The following FLT1 variants were observed in gnomAD, a reference collection of about 807,000 sequenced individuals.
FLT1 encodes fms related receptor tyrosine kinase 1, also known as vascular endothelial growth factor receptor 1.
FLT1 carries 49 observed loss-of-function variants against 156.3 expected under a neutral mutation model. The observed-to-expected ratio is 0.31, with a 90% CI of 0.25 to 0.40. The LOEUF (loss-of-function observed/expected upper bound fraction) is 0.40. FLT1 is among the 10% of genes least tolerant of loss of function. The pLI is 1.00. For synonymous variants in FLT1, 594 were observed against 583.8 expected (o/e 1.02, Z -0.25); for missense variants, 1,322 against 1,637.2 (o/e 0.81, Z 3.32).
At chr13:28,437,798 T>G (rs1254443399) in intron 4 of FLT1, among the ~76,000 whole-genome samples, 1 of 152,228 alleles carries the variant, frequency 6.6e-6, no homozygotes, top group Non-Finnish European at 1.5e-5. Context: ...TGGCTCCTTA[T>G]GCATGAAGCC....
At position 28,449,221 on chromosome 13, in the gene FLT1, C is replaced by T. The variant is rs1177052947; in HGVS notation, c.389-10876G>A. ...TCAATCGAAGCCCAGGAATTCAAGG[C>T]TGCAGTGTCACTGCACTCTGGCCTG... On this transcript the variant is annotated intron_variant, in intron 3 of 29. Transcript: ENST00000282397. Among the ~76,000 whole-genome samples, 6 of 152,144 alleles carry T rather than the reference C, an allele frequency of 3.9e-5. No individual in the cohort carries two copies. The East Asian group carries it at 1.2e-3, about 29-fold the overall frequency.
chr13:28,327,022 T>C (rs1871712684), intron 20 of FLT1, among the ~76,000 whole-genome samples: 1 of 152,242 alleles, frequency 6.6e-6, no homozygotes, highest in African/African-American at 2.4e-5. Flanking sequence ...ATTGGTCTAC[T>C]GCTGATTGTC....
chr13:28,388,381 T>C (rs1209877754), intron 13 of FLT1: 8 of 1,057,194 alleles, frequency 7.6e-6, no homozygotes, highest in Non-Finnish European at 8.0e-6. Context: ...GCTTGAGAAG[T>C]TGTCATATTG....
At chr13:28,383,579 C>T (rs761434651) in intron 14 of FLT1, among the ~76,000 whole-genome samples, 2 of 152,066 alleles carry the variant, frequency 1.3e-5, no homozygotes, top group Non-Finnish European at 2.9e-5. Flanking sequence ...AGGAGAATGG[C>T]GTGACCTGGG....
At chr13:28,460,865 G>A (rs1879537952) in intron 3 of FLT1, among the ~76,000 whole-genome samples, 1 of 151,512 alleles carries the variant, frequency 6.6e-6, no homozygotes, top group Non-Finnish European at 1.5e-5. Flanking sequence ...GGGTAAAATG[G>A]ATATATGAAT....
chr13:28,385,044 GA>G lies in FLT1; in HGVS notation c.1970-14del. 6.2e-7 allele frequency: 1 copy of G among 1,613,882 alleles called. No individual in the cohort carries two copies. The highest frequency in any genetic ancestry group is 8.5e-7 in the Non-Finnish European group (1 of 1,179,808). On this transcript the variant is annotated splice_polypyrimidine_tract_variant and intron_variant, in intron 13 of 29. Coordinates refer to ENST00000282397, the MANE Select transcript of FLT1 (RefSeq NM_002019.4). ...GGTGCTTCCTGATCTAGTGAAGAAAGAAAGGGAGCTGTGATTACTCGTCAAC... is the reference window on the plus strand; with the variant it reads ...GGTGCTTCCTGATCTAGTGAAGAAAGAAGGGAGCTGTGATTACTCGTCAAC...
chr13:28,418,519 T>C (rs547829197), intron 10 of FLT1, among the ~76,000 whole-genome samples: 2 of 152,320 alleles, frequency 1.3e-5, no homozygotes, highest in Non-Finnish European at 2.9e-5. Flanking sequence ...AGGAGTCCTA[T>C]GGGACACCAG....
intron 15 of FLT1, among the ~76,000 whole-genome samples, chr13:28,348,395 C>G (rs571661310): frequency 1.8e-4 from 28 of 152,200 alleles, no homozygotes; most frequent in Non-Finnish European, 3.7e-4. Context: ...TCATCTCCTG[C>G]TGTCCTCCCA....
intron 15 of FLT1, among the ~76,000 whole-genome samples, chr13:28,353,397 A>AC (rs1231159607): frequency 6.6e-5 from 10 of 151,654 alleles, no homozygotes; most frequent in African/African-American, 1.9e-4. Flanking sequence ...ACGTGGTGAG[A>AC]CCCCGTCTCT....
chr13:28,382,758 C>G (rs1047513122), intron 14 of FLT1, among the ~76,000 whole-genome samples: 3 of 152,120 alleles, frequency 2.0e-5, no homozygotes, highest in African/African-American at 7.2e-5. Context: ...AAAGGAGAGA[C>G]CATCACCTTC....
At chr13:28,408,752 G>A (rs902387031) in intron 10 of FLT1, among the ~76,000 whole-genome samples, 3 of 152,164 alleles carry the variant, frequency 2.0e-5, no homozygotes, top group Non-Finnish European at 4.4e-5. Flanking sequence ...TTCTGGACAA[G>A]GCCACTGTTA....
chr13:28,378,220 T>C (rs1873928752), intron 14 of FLT1, among the ~76,000 whole-genome samples: 1 of 152,134 alleles, frequency 6.6e-6, no homozygotes, highest in Non-Finnish European at 1.5e-5. Flanking sequence ...AACTAATTTT[T>C]GTATTTTTAG....
At position 28,467,051 on chromosome 13, in the gene FLT1, G is replaced by A. The variant is rs1879888320; in HGVS notation, c.240C>T (p.Ala80=). ...AGAATTGTTTGCCATTTCTTCCACA[G>A]GCAGATTTAGTTATGCTCAGCCTTT... ...ESERLSITKS[A]CGRNGKQFCS... is the part of the protein sequence containing the mutation. The change falls in exon 3 of 30, where the codon GCC becomes GCT. Residue 80 remains alanine, a synonymous_variant. Transcript: ENST00000282397. 6.2e-7 allele frequency: 1 copy of A among 1,614,136 alleles called. No individual in the cohort carries two copies.
chr13:28,406,681 T>C (rs1433786590), intron 10 of FLT1, among the ~76,000 whole-genome samples: 1 of 151,912 alleles, frequency 6.6e-6, no homozygotes, highest in Non-Finnish European at 1.5e-5. Flanking sequence ...GGTCTCACTC[T>C]GTCACCTAGG....
chr13:28,326,814 C>G (rs992966487), intron 20 of FLT1, among the ~76,000 whole-genome samples: 4 of 152,178 alleles, frequency 2.6e-5, no homozygotes, highest in Non-Finnish European at 5.9e-5. Context: ...CGTAAGCCAC[C>G]GTGCCTGGCC....
chr13:28,425,163 C>G (rs753841797), intron 10 of FLT1, among the ~76,000 whole-genome samples: 1 of 152,136 alleles, frequency 6.6e-6, no homozygotes, highest in Non-Finnish European at 1.5e-5. Context: ...TAATGTACAT[C>G]GAGCTGTCAT....
rs112404448 is a variant in FLT1, at chr13:28,368,579, TATG to T, written c.2117-10897_2117-10895del. On this transcript the variant is annotated intron_variant, in intron 14 of 29. Coordinates refer to ENST00000282397, the MANE Select transcript of FLT1 (RefSeq NM_002019.4). The stretch of plus-strand genomic sequence containing the variant: ...TGATGATGATGATAATGATGATAGC[TATG>T]ATGATGATGATGATGACGATGATGA... The T allele has an allele frequency of 7.1e-3, 10,532 of 1,476,684 alleles. 437 individuals carry two copies. In the African/African-American group the frequency reaches 0.11, roughly 15 times the overall value. 91.5% of individuals were successfully genotyped at this position (1,476,684 alleles called of 1,614,324 possible).
chr13:28,489,175 T>A lies in FLT1; in HGVS notation c.64+5605A>T, dbSNP rs186243673. Among the ~76,000 whole-genome samples, 473 of 152,238 alleles carry A rather than the reference T, an allele frequency of 3.1e-3. 2 individuals are homozygous for A. The highest frequency in any genetic ancestry group is 0.011 in the African/African-American group (446 of 41,550). Reference sequence around the variant, plus strand: ...TCAATCGCTCACTGAAGAGGACAAATATTATCTGTTGAGAACAGTTACTTT... The same window carrying A: ...TCAATCGCTCACTGAAGAGGACAAAAATTATCTGTTGAGAACAGTTACTTT... On this transcript the variant is annotated intron_variant, in intron 1 of 29. Coordinates refer to ENST00000282397, the MANE Select transcript of FLT1 (RefSeq NM_002019.4).
At chr13:28,387,286 T>C (rs1399674850) in intron 13 of FLT1, 1 of 1,043,862 alleles carries the variant, frequency 9.6e-7, no homozygotes, top group Non-Finnish European at 1.2e-6. Flanking sequence ...ACATTAAAAG[T>C]CTCACTTTTG....
Sources: allele counts gnomAD v4.1 joint callset (sites outside exome capture counted in the v4.1 genomes callset), GRCh38; gene constraint gnomAD v4.1.1; transcripts MANE v1.5; gene names NCBI Gene and HGNC (gene_info 2026-07-23, HGNC 2026-07-21).